Variants in MAST1 observed in about 807,000 individuals in gnomAD.
The protein encoded by MAST1 is microtubule-associated serine/threonine-protein kinase 1.
MAST1 carries 40 observed loss-of-function variants against 124.6 expected under a neutral mutation model. The ratio of observed to expected loss-of-function variants is 0.32; its 90% confidence interval spans 0.25 to 0.42. MAST1 has a LOEUF of 0.42. Among genes scored for constraint, MAST1 ranks in the 10% least tolerant of loss-of-function variants. MAST1 has a pLI of 1.00. For missense variants in MAST1, 1,558 were observed against 2,181.9 expected, an observed-to-expected ratio of 0.71 and a Z score of 5.70; for synonymous variants, 938 against 939.4, an observed-to-expected ratio of 1.00 and a Z score of 0.03.
Position 12,843,412 on chromosome 19 carries a change from T to C in MAST1, c.249-117T>C. 1.4e-6 allele frequency: 1 copy of C among 692,002 alleles called. No individual in the cohort carries two copies. The highest frequency in any genetic ancestry group is 2.5e-6 in the Non-Finnish European group (1 of 400,140). 42.9% of individuals were successfully genotyped at this position (692,002 alleles called of 1,614,324 possible). A position where few individuals can be genotyped will look rare whatever the true frequency, so the allele number is the denominator to read the frequency against. On this transcript the variant is annotated intron_variant, in intron 3 of 25. Transcript: ENST00000251472. This position sits in a 1 kb window ranked among gnomAD's most constrained non-coding sequence, Gnocchi z 4.9. ...CTGAGGGCCTTGAGGAATCTTAGAG[T>C]GCAGATATATTCCCCCAACCCCCAC...
In MAST1 at chr19:12,871,138, A is replaced by G; in HGVS notation, c.3229A>G (p.Asn1077Asp). ...SSYKAKMARR[N>D]KRPSAKEGQE... ...CTACAAGGCTAAAATGGCTCGGAGG[A>G]ACAAGCGACCCTCCGCCAAGGAGGG... Residue 1077 changes from asparagine (N) to aspartate (D), a missense_variant, in exon 24 of 26, where the codon AAC becomes GAC. By Grantham distance (23) the Asn-to-Asp change is conservative. Transcript: ENST00000251472. The G allele has an allele frequency of 6.2e-7, 1 of 1,614,180 alleles. No homozygotes were observed. Among genetic ancestry groups the G allele is most frequent in the Non-Finnish European group, 8.5e-7 (1 of 1,180,030 alleles).
At position 12,852,341 on chromosome 19, in the gene MAST1, G is replaced by C. The variant is rs998854938; in HGVS notation, c.1023G>C (p.Leu341=). 6.2e-7 allele frequency: 1 copy of C among 1,613,996 alleles called. No homozygotes were observed. Among genetic ancestry groups the C allele is most frequent in the African/African-American group, 1.3e-5 (1 of 74,920 alleles). The change falls in exon 10 of 26, where the codon CTG becomes CTC. Residue 341 remains leucine, a synonymous_variant. Coordinates refer to ENST00000251472, the MANE Select transcript of MAST1 (RefSeq NM_014975.3). Reference sequence around the variant, plus strand: ...GTCCCTCCCTAGATGTGGTGCATCTGGAGGAACAGGACAGTGGTGGTTCCA... The same window carrying C: ...GTCCCTCCCTAGATGTGGTGCATCTCGAGGAACAGGACAGTGGTGGTTCCA... ...TRDPFPDVVH[L]EEQDSGGSNT...
chr19:12,862,608 T>C (rs993764987), intron 12 of MAST1, among the ~76,000 whole-genome samples: 1 of 151,816 alleles, frequency 6.6e-6, no homozygotes, highest in African/African-American at 2.4e-5. Flanking sequence ...GAGTCCAAGA[T>C]CAACCTACCC....
chr19:12,862,043 C>T (rs1970090612), intron 12 of MAST1, among the ~76,000 whole-genome samples: 1 of 145,294 alleles, frequency 6.9e-6, no homozygotes, highest in Non-Finnish European at 1.5e-5. Flanking sequence ...CTCACGCTGT[C>T]ACCCAGGCTA....
chr19:12,851,100 A>G lies in MAST1; in HGVS notation c.775-834A>G, dbSNP rs1440953953. On this transcript the variant is annotated intron_variant, in intron 7 of 25. Coordinates refer to ENST00000251472, the MANE Select transcript of MAST1 (RefSeq NM_014975.3). Reference sequence around the variant, plus strand: ...GTAGCTGGCATTACAAGTGTGTGGCACTATACCCAGCTAATTTTTGTACTT... The same window carrying G: ...GTAGCTGGCATTACAAGTGTGTGGCGCTATACCCAGCTAATTTTTGTACTT... Among the ~76,000 whole-genome samples the G allele has an allele frequency of 3.3e-5, 5 of 151,542 alleles. No individual in the cohort carries two copies. The East Asian group carries it at 9.7e-4, about 29-fold the overall frequency.
Position 12,858,644 on chromosome 19 carries a change from A to T in MAST1, c.1271A>T (p.Asp424Val), listed in dbSNP as rs1342421667. Residue 424 changes from aspartate to valine, a missense_variant, in exon 12 of 26, where the codon GAT (aspartate) becomes GTT (valine). Around this residue, in one of 10 missense-constraint regions of MAST1, gnomAD observed 136 missense variants for 160.9 expected, o/e 0.85. Coordinates refer to ENST00000251472, the MANE Select transcript of MAST1 (RefSeq NM_014975.3). Reference protein sequence around the residue: ...NQIQQAFVERDILTFAENPFV... With the variant: ...NQIQQAFVERVILTFAENPFV... ...ATCCAGCAGGCCTTTGTGGAGCGCG[A>T]TATCCTCACCTTCGCCGAGAACCCG... 1 of 1,614,074 alleles carries T rather than the reference A, an allele frequency of 6.2e-7. No homozygotes were observed. The highest frequency in any genetic ancestry group is 1.7e-5 in the Admixed American group (1 of 60,002).
Position 12,843,903 on chromosome 19 carries a change from A to G in MAST1, c.327+296A>G, listed in dbSNP as rs1254323591. On this transcript the variant is annotated intron_variant, in intron 4 of 25. Coordinates refer to ENST00000251472, the MANE Select transcript of MAST1 (RefSeq NM_014975.3). This position sits in a 1 kb window ranked among gnomAD's most constrained non-coding sequence, Gnocchi z 4.9. Reference sequence around the variant, plus strand: ...GTGGTCCCCACTATTTGGGAGGCTGAGACGGGAGGATCGCTGGAGTCTGGG... The same window carrying G: ...GTGGTCCCCACTATTTGGGAGGCTGGGACGGGAGGATCGCTGGAGTCTGGG... 6.6e-6 allele frequency among the ~76,000 whole-genome samples: 1 copy of G among 152,152 alleles called. No individual in the cohort carries two copies. The highest frequency in any genetic ancestry group is 1.5e-5 in the Non-Finnish European group (1 of 68,030).
In MAST1 at chr19:12,858,639, G is replaced by A; in HGVS notation, c.1266G>A (p.Glu422=). Residue 422 remains glutamate, a synonymous_variant, in exon 12 of 26, where the codon GAG becomes GAA. Coordinates refer to ENST00000251472, the MANE Select transcript of MAST1 (RefSeq NM_014975.3). ...ACCAGATCCAGCAGGCCTTTGTGGA[G>A]CGCGATATCCTCACCTTCGCCGAGA... ...LRNQIQQAFV[E]RDILTFAENP... is the part of the protein sequence containing the mutation. 2.5e-6 allele frequency: 4 copies of A among 1,614,242 alleles called. No individual in the cohort carries two copies. The highest frequency in any genetic ancestry group is 3.4e-6 in the Non-Finnish European group (4 of 1,180,046).
chr19:12,854,605 T>G (rs528812857), intron 10 of MAST1, among the ~76,000 whole-genome samples: 4 of 152,226 alleles, frequency 2.6e-5, no homozygotes, highest in Non-Finnish European at 5.9e-5. Context: ...TGGTGAACAT[T>G]GGGTTGTCCA....
chr19:12,845,071 G>A (rs538860224), intron 4 of MAST1, among the ~76,000 whole-genome samples: 1 of 152,106 alleles, frequency 6.6e-6, no homozygotes, highest in Non-Finnish European at 1.5e-5. Flanking sequence ...GGAGGCTGAA[G>A]CGGGTGGATC....
chr19:12,871,224 C>T (rs751101909), intron 24 of MAST1, 52 bp downstream of exon 24: 50 of 1,608,832 alleles, frequency 3.1e-5, no homozygotes, highest in Non-Finnish European at 4.1e-5. Context: ...GGAACTTAGG[C>T]GGGAGGGGCA....
At chr19:12,863,714 G>A (rs1031030364) in intron 12 of MAST1, among the ~76,000 whole-genome samples, 1 of 152,120 alleles carries the variant, frequency 6.6e-6, no homozygotes, top group African/African-American at 2.4e-5. Flanking sequence ...ATACTGCCCC[G>A]GTTGCTGCAC....
chr19:12,868,103 A>ATTTTTTTTTGTTTTTTTTTTTTT (rs1970182039), intron 20 of MAST1, 126 bp downstream of exon 20: 1 of 291,088 alleles, frequency 3.4e-6, no homozygotes, highest in Non-Finnish European at 4.8e-6. Flanking sequence ...GCAATTTGGG[A>ATTTTTTTTTGTTTTTTTTTTTTT]TTTTTTTTTT....
intron 18 of MAST1, 102 bp from the exon 19 acceptor site, chr19:12,867,372 A>G: frequency 1.5e-6 from 2 of 1,346,948 alleles, no homozygotes; most frequent in Non-Finnish European, 2.1e-6. Flanking sequence ...CAGGCCTCGG[A>G]GGGTGGAGTG....
intron 20 of MAST1, 98 bp downstream of exon 20, chr19:12,868,075 T>A: frequency 8.3e-7 from 1 of 1,207,012 alleles, no homozygotes; most frequent in Non-Finnish European, 1.1e-6. Context: ...ATGAAAGATC[T>A]CAGGTCCTAT....
rs188891073 is a variant in MAST1, at chr19:12,852,042, G to A, written c.876+7G>A. ...GAGGCTGCTGGAGTGCCTGGTGAGGGGGCTGGGCATGGGTAGGGGTGGGTT... is the reference window on the plus strand; with the variant it reads ...GAGGCTGCTGGAGTGCCTGGTGAGGAGGCTGGGCATGGGTAGGGGTGGGTT... On this transcript the variant is annotated splice_region_variant and intron_variant, in intron 8 of 25. Coordinates refer to ENST00000251472, the MANE Select transcript of MAST1 (RefSeq NM_014975.3). 8 of 1,614,050 alleles carry A rather than the reference G, an allele frequency of 5.0e-6. No homozygotes were observed. In the African/African-American group the frequency reaches 8.0e-5, roughly 16 times the overall value.
At chr19:12,849,669 AAAT>A (rs994431534) in intron 7 of MAST1, among the ~76,000 whole-genome samples, 1 of 151,882 alleles carries the variant, frequency 6.6e-6, no homozygotes, top group Non-Finnish European at 1.5e-5. Flanking sequence ...GTCTCAAAAA[AAAT>A]AAAAATAAAA....
intron 12 of MAST1, among the ~76,000 whole-genome samples, chr19:12,863,566 G>C (rs1396458324): frequency 6.6e-6 from 1 of 152,114 alleles, no homozygotes; most frequent in East Asian, 1.9e-4. Context: ...TCCCACATGT[G>C]GGCTTCCTTC....
Position 12,847,724 on chromosome 19 carries a change from G to C in MAST1, c.564+37G>C, listed in dbSNP as rs748141256. On this transcript the variant is annotated intron_variant, in intron 6 of 25. Transcript: ENST00000251472. This position sits in a 1 kb window ranked among gnomAD's most constrained non-coding sequence, Gnocchi z 5.5. ...CCCGAGGCGGTCACGGGGTGACCAGGCGGCCTGCACTCTCGCTCGCCTTAT... is the reference window on the plus strand; with the variant it reads ...CCCGAGGCGGTCACGGGGTGACCAGCCGGCCTGCACTCTCGCTCGCCTTAT... 2.2e-5 allele frequency: 36 copies of C among 1,607,304 alleles called. No homozygotes were observed. The highest frequency in any genetic ancestry group is 3.0e-5 in the Non-Finnish European group (35 of 1,175,598).
Sources: gnomAD v4.1 joint callset for allele counts (sites outside exome capture counted in the v4.1 genomes callset) on GRCh38, gnomAD v4.1.1 for gene constraint, gnomAD v4.1.1 regional missense constraint, Gnocchi (gnomAD v3.1) non-coding constraint, MANE v1.5 for transcripts, NCBI Gene and HGNC (gene_info 2026-07-23, HGNC 2026-07-21) for gene names.